PFKM: variants seen among roughly 807,000 people sequenced by gnomAD.
PFKM encodes ATP-dependent 6-phosphofructokinase, muscle type.
A neutral mutation model predicts 95.5 loss-of-function variants in PFKM; 58 were observed. That is an observed-to-expected ratio of 0.61 (90% CI 0.49 to 0.76). The LOEUF (loss-of-function observed/expected upper bound fraction) is 0.76, where lower values mean the gene tolerates loss of function less well. PFKM is among the 30% of genes least tolerant of loss of function. PFKM has a pLI of 0.00. For synonymous variants in PFKM, 336 were observed against 357.2 expected (o/e 0.94, Z 0.67); for missense variants, 678 against 1,005.4 (o/e 0.67, Z 4.40).
intron 2 of PFKM, chr12:48,125,562 G>A (rs1400846063): frequency 4.5e-5 from 12 of 263,886 alleles, no homozygotes; most frequent in African/African-American, 1.2e-4. Context: ...CAGAGGTTGC[G>A]GTGAGTCGAG....
intron 3 of PFKM, among the ~76,000 whole-genome samples, chr12:48,131,039 G>A (rs1949424748): frequency 6.6e-6 from 1 of 152,172 alleles, no homozygotes. Context: ...GGTTGGAGGA[G>A]ATAGGATGAG....
At chr12:48,118,344 T>C, upstream of PFKM, 2 of 600,528 alleles carry the variant, frequency 3.3e-6, no homozygotes, top group Admixed American at 5.4e-5. Context: ...GATACATGAT[T>C]TGCAAATATT....
intron 1 of PFKM, chr12:48,122,536 A>C: frequency 7.4e-7 from 1 of 1,354,302 alleles, no homozygotes; most frequent in Non-Finnish European, 9.5e-7. Flanking sequence ...ATCAGGGAGG[A>C]ATTAGGACCT....
rs566147379 is a variant in PFKM at position 48,137,153 on chromosome 12, C to T, written c.937-568C>T. Among the ~76,000 whole-genome samples the T allele has an allele frequency of 4.6e-5, 7 of 151,692 alleles. No homozygotes were observed. The South Asian group carries it at 1.5e-3, about 32-fold the overall frequency. On this transcript the variant is annotated intron_variant, in intron 10 of 22. Transcript: ENST00000359794. ...CTCGGCTCACTGCAGTCTCCATCTC[C>T]TGGGTTCAAGGGATTCTTCTACCTC...
upstream of PFKM, chr12:48,105,543 G>C (rs942917428): frequency 5.9e-6 from 3 of 508,442 alleles, no homozygotes; most frequent in Admixed American, 4.0e-5. Context: ...AGGAGAGTTG[G>C]AGAAATGTTT....
chr12:48,105,656 C>A, upstream of PFKM: 1 of 433,036 alleles, frequency 2.3e-6, no homozygotes, highest in East Asian at 5.2e-5. Context: ...GAAAACAGCT[C>A]TCCCCAGAGA....
upstream of PFKM, among the ~76,000 whole-genome samples, chr12:48,117,752 C>T (rs188275870): frequency 1.3e-5 from 2 of 152,298 alleles, no homozygotes; most frequent in Admixed American, 6.5e-5. Context: ...CAATAGCTCC[C>T]CCATGACACA....
chr12:48,128,709 G>A (rs562440874), intron 2 of PFKM, among the ~76,000 whole-genome samples: 1 of 152,206 alleles, frequency 6.6e-6, no homozygotes, highest in South Asian at 2.1e-4. Flanking sequence ...GTTTGTGATG[G>A]TTTTTTAGTT....
In PFKM at chr12:48,140,041, T is replaced by C. The variant is rs1592783174; in HGVS notation, c.1191+129T>C. 1.6e-5 allele frequency: 11 copies of C among 688,310 alleles called. No individual in the cohort carries two copies. In the East Asian group the frequency reaches 3.0e-4, roughly 19 times the overall value. 42.6% of individuals were successfully genotyped at this position (688,310 alleles called of 1,614,324 possible). On this transcript the variant is annotated intron_variant, in intron 13 of 22. Coordinates refer to ENST00000359794, the MANE Select transcript of PFKM (RefSeq NM_000289.6). ...TCTGCCCCACTCTGATCTTCAGTGC[T>C]GGGTCCCTGGCCCTATTATAATGAT...
rs950297924 is a variant in PFKM at position 48,145,913 on chromosome 12, G to A, written c.*205G>A. ...TTAGGTAGAATTTAACATGACTTCT[G>A]CCCCAGCTTTATCTGTCACACAAGG... is the stretch of plus-strand genomic sequence containing the variant. On this transcript the variant is annotated 3_prime_UTR_variant, in exon 23 of 23. Transcript: ENST00000359794. This position sits in a 1 kb window ranked among gnomAD's most constrained non-coding sequence, Gnocchi z 4.3. 2 of 591,470 alleles carry A rather than the reference G, an allele frequency of 3.4e-6. No individual in the cohort carries two copies. Among genetic ancestry groups the A allele is most frequent in the South Asian group, 2.0e-5 (1 of 49,906 alleles). 36.6% of individuals were successfully genotyped at this position (591,470 alleles called of 1,614,324 possible).
chr12:48,105,354 G>A (rs1041779596), upstream of PFKM: 2 of 518,456 alleles, frequency 3.9e-6, no homozygotes, highest in Admixed American at 3.9e-5. Flanking sequence ...CATAGATCCA[G>A]AGATCACGTT....
intron 18 of PFKM, among the ~76,000 whole-genome samples, chr12:48,143,417 C>T (rs548199737): frequency 6.6e-6 from 1 of 152,270 alleles, no homozygotes; most frequent in Non-Finnish European, 1.5e-5. Context: ...TATAAAGTGT[C>T]AACACTGACA....
upstream of PFKM, among the ~76,000 whole-genome samples, chr12:48,117,389 A>G (rs746321031): frequency 1.2e-4 from 18 of 152,238 alleles, no homozygotes; most frequent in Non-Finnish European, 2.4e-4. Context: ...GACAATATTT[A>G]GCTTTGTAAA....
At chr12:48,116,124 C>CCCTT (rs200114445), upstream of PFKM, among the ~76,000 whole-genome samples, 1,060 of 145,810 alleles carry the variant, frequency 7.3e-3, 14 homozygotes, top group African/African-American at 0.025. Flanking sequence ...CCCCTTCCCT[C>CCCTT]CCTTCCTTCC....
At chr12:48,112,765 G>C (rs532020051) in intron 3 of PFKM, among the ~76,000 whole-genome samples, 1 of 152,182 alleles carries the variant, frequency 6.6e-6, no homozygotes, top group Non-Finnish European at 1.5e-5. Flanking sequence ...CTGGTTTTTG[G>C]ATAGGTAAAA....
chr12:48,133,910 C>G (rs574165972), intron 6 of PFKM, among the ~76,000 whole-genome samples: 1 of 152,096 alleles, frequency 6.6e-6, no homozygotes, highest in African/African-American at 2.4e-5. Flanking sequence ...ACAGTTTACC[C>G]CAGGGTAATC....
intron 14 of PFKM, 70 bp downstream of exon 14, chr12:48,140,941 TTC>T: frequency 6.6e-7 from 1 of 1,525,394 alleles, no homozygotes; most frequent in Non-Finnish European, 9.1e-7. Flanking sequence ...GACCTGTCCA[TTC>T]TCTTGGCTTC....
At chr12:48,139,607 C>T in intron 12 of PFKM, 1 of 618,582 alleles carries the variant, frequency 1.6e-6, no homozygotes, top group Non-Finnish European at 2.9e-6. Context: ...ATAAGTTCCT[C>T]TAGGCAAGGG....
intron 2 of PFKM, among the ~76,000 whole-genome samples, chr12:48,123,980 C>T (rs983157103): frequency 6.6e-6 from 1 of 152,008 alleles, no homozygotes; most frequent in Non-Finnish European, 1.5e-5. Flanking sequence ...GCAGGCACAT[C>T]GTAAATACTC....
Sources: allele counts gnomAD v4.1 joint callset (sites outside exome capture counted in the v4.1 genomes callset), GRCh38; gene constraint gnomAD v4.1.1; non-coding constraint Gnocchi (gnomAD v3.1); transcripts MANE v1.5; gene names NCBI Gene and HGNC (gene_info 2026-07-23, HGNC 2026-07-21).